Variants in ZBTB40 observed in about 807,000 individuals in gnomAD.
The protein encoded by ZBTB40 is zinc finger and BTB domain containing 40.
In ZBTB40, 60 loss-of-function variants were observed where a neutral mutation model predicts 117.5. The ratio of observed to expected loss-of-function variants is 0.51; its 90% CI spans 0.41 to 0.63. The LOEUF is 0.63. Among genes scored for constraint, ZBTB40 ranks in the 30% least tolerant of loss-of-function variants. The probability of loss-of-function intolerance (pLI) is 0.00; values close to 1 mark genes in which losing one functional copy is unlikely to be tolerated. For synonymous variants in ZBTB40, 525 were observed against 577.1 expected (o/e 0.91, Z 1.29); for missense variants, 1,287 against 1,498.5 (o/e 0.86, Z 2.33).
chr1:22,471,972 T>C (rs1310083428), intron 1 of ZBTB40, among the ~76,000 whole-genome samples: 3 of 152,164 alleles, frequency 2.0e-5, no homozygotes, highest in Non-Finnish European at 4.4e-5. Flanking sequence ...GAGGATATGA[T>C]TGGCTTGTTT....
In ZBTB40 at chr1:22,528,657, G is replaced by C. The variant is rs1639747987; in HGVS notation, c.*2261G>C. On this transcript the variant is annotated 3_prime_UTR_variant, in exon 18 of 18. Transcript: ENST00000375647. ...TCCTCCTGCCACAGCTTCCCAAGTA[G>C]CTGGGACCACAGGCGTGAGCCACCA... is the stretch of plus-strand genomic sequence containing the variant. The C allele has an allele frequency of 1.3e-5, 2 of 151,950 alleles. No homozygotes were observed. Among genetic ancestry groups the C allele is most frequent in the Non-Finnish European group, 2.9e-5 (2 of 68,014 alleles). 9.4% of individuals were successfully genotyped at this position (151,950 alleles called of 1,614,324 possible). A position where few individuals can be genotyped will look rare whatever the true frequency, so the allele number is the denominator to read the frequency against.
chr1:22,493,589 A>C (rs1638692531), intron 3 of ZBTB40, among the ~76,000 whole-genome samples: 2 of 152,050 alleles, frequency 1.3e-5, no homozygotes, highest in South Asian at 4.2e-4. Flanking sequence ...AAACATCTCC[A>C]TCACCCCCAA....
intron 14 of ZBTB40, 139 bp from the exon 15 acceptor site, chr1:22,521,357 C>T (rs1326596099): frequency 9.2e-7 from 1 of 1,084,432 alleles, no homozygotes. Context: ...ACATCAGCAC[C>T]CGGTGTGATA....
At position 22,491,502 on chromosome 1, in the gene ZBTB40, T is replaced by C. The variant is rs1340677390; in HGVS notation, c.800T>C (p.Met267Thr). Reference sequence around the variant, plus strand: ...CAGGATGTTTTAAAAAAACTAGAAATGTGTTCAGAAATTAAAGGTCCACAG... The same window carrying C: ...CAGGATGTTTTAAAAAAACTAGAAACGTGTTCAGAAATTAAAGGTCCACAG... The part of the protein sequence containing the change: ...VTQDVLKKLE[M>T]CSEIKGPQKE... The change falls in exon 3 of 18, where the codon ATG becomes ACG. Residue 267 changes from methionine to threonine, a missense_variant. By Grantham distance (81) the Met-to-Thr change is moderately conservative (BLOSUM62 -1). Coordinates refer to ENST00000375647, the MANE Select transcript of ZBTB40 (RefSeq NM_014870.4). 3 of 1,613,878 alleles carry C rather than the reference T, an allele frequency of 1.9e-6. No homozygotes were observed. The African/African-American group carries it at 4.0e-5, about 22-fold the overall frequency.
Position 22,528,462 on chromosome 1 carries a change from C to T in ZBTB40, c.*2066C>T, listed in dbSNP as rs1213845495. On this transcript the variant is annotated 3_prime_UTR_variant, in exon 18 of 18. Transcript: ENST00000375647. ...ACAAACAACAACAAAAAAAACTCTTCGGAATAAAGAGGGCTGTAAATTTTG... is the reference window on the plus strand; with the variant it reads ...ACAAACAACAACAAAAAAAACTCTTTGGAATAAAGAGGGCTGTAAATTTTG... The T allele has an allele frequency of 4.6e-5, 7 of 152,394 alleles. No homozygotes were observed. The highest frequency in any genetic ancestry group is 7.2e-5 in the African/African-American group (3 of 41,558). The allele number at this position is 152,394 out of a possible 1,614,324, so 9.4% of individuals were successfully genotyped here. A position where few individuals can be genotyped will look rare whatever the true frequency, so the allele number is the denominator to read the frequency against.
In ZBTB40 at chr1:22,524,075, G is replaced by A. The variant is rs932082663; in HGVS notation, c.3299-143G>A. The A allele has an allele frequency of 3.7e-5, 29 of 788,820 alleles. No individual in the cohort carries two copies. In the Admixed American group the frequency reaches 4.2e-4, roughly 11 times the overall value. The allele number at this position is 788,820 out of a possible 1,614,324, so 48.9% of individuals were successfully genotyped here. ...CTTAAGGCCCCCCAGATTGAATAACGTTCGTGTCCCACAAAATGTGGATCC... is the reference window on the plus strand; with the variant it reads ...CTTAAGGCCCCCCAGATTGAATAACATTCGTGTCCCACAAAATGTGGATCC... On this transcript the variant is annotated intron_variant, in intron 16 of 17. Transcript: ENST00000375647.
intron 9 of ZBTB40, 147 bp from the exon 10 acceptor site, chr1:22,511,032 C>A: frequency 2.0e-6 from 2 of 1,007,952 alleles, no homozygotes; most frequent in Non-Finnish European, 3.0e-6. Context: ...CTGTCCACTA[C>A]ATTTATCACA....
intron 1 of ZBTB40, among the ~76,000 whole-genome samples, chr1:22,471,265 G>GA (rs1292913565): frequency 6.6e-6 from 1 of 152,204 alleles, no homozygotes; most frequent in Non-Finnish European, 1.5e-5. Context: ...GAGACCAGCA[G>GA]AAAAAACAAG....
chr1:22,519,881 G>C (rs1410129006), intron 13 of ZBTB40, among the ~76,000 whole-genome samples, 180 bp from the exon 14 acceptor site: 1 of 152,128 alleles, frequency 6.6e-6, no homozygotes, highest in Non-Finnish European at 1.5e-5. Flanking sequence ...TGAAGGTGGG[G>C]GTAGTCAGGT....
intron 1 of ZBTB40, among the ~76,000 whole-genome samples, chr1:22,433,872 GTTTT>G (rs541820650): frequency 6.7e-6 from 1 of 148,584 alleles, no homozygotes; most frequent in Non-Finnish European, 1.5e-5. Flanking sequence ...ATTTAAGCTA[GTTTT>G]TTTTTTGTTT....
upstream of ZBTB40, among the ~76,000 whole-genome samples, chr1:22,448,660 G>T (rs1640816791): frequency 2.6e-5 from 4 of 152,220 alleles, no homozygotes; most frequent in South Asian, 8.3e-4. Flanking sequence ...TAAAATGGGG[G>T]TAAAAATGTT....
At chr1:22,467,903 G>C (rs1641296157) in intron 1 of ZBTB40, among the ~76,000 whole-genome samples, 1 of 151,640 alleles carries the variant, frequency 6.6e-6, no homozygotes, top group South Asian at 2.1e-4. Flanking sequence ...CGAGCAGCCT[G>C]GGCAACATAG....
intron 14 of ZBTB40, 79 bp from the exon 15 acceptor site, chr1:22,521,417 C>T: frequency 1.3e-6 from 2 of 1,575,818 alleles, no homozygotes; most frequent in Non-Finnish European, 1.7e-6. Context: ...AAATGTATTT[C>T]TTTCTCTCAT....
chr1:22,508,025 G>A lies in ZBTB40; in HGVS notation c.1385G>A (p.Gly462Glu), dbSNP rs1274896013. ...TTVQPSPDDY[G>E]TELLRRYHEN... is the part of the protein sequence containing the mutation. Reference sequence around the variant, plus strand: ...GTCCAACCAAGCCCTGATGATTATGGGACTGAGCTATTGAGACGCTATCAT... The same window carrying A: ...GTCCAACCAAGCCCTGATGATTATGAGACTGAGCTATTGAGACGCTATCAT... Residue 462 changes from glycine to glutamate, a missense_variant, in exon 7 of 18, where the codon GGG becomes GAG. Physicochemically the swap from Gly to Glu is moderately conservative, Grantham distance 98. Transcript: ENST00000375647. 5.0e-6 allele frequency: 8 copies of A among 1,613,942 alleles called. No individual in the cohort carries two copies. Among genetic ancestry groups the A allele is most frequent in the Non-Finnish European group, 6.8e-6 (8 of 1,180,040 alleles).
At chr1:22,512,228 T>C in intron 11 of ZBTB40, 94 bp downstream of exon 11, 1 of 1,377,946 alleles carries the variant, frequency 7.3e-7, no homozygotes, top group Non-Finnish European at 1.0e-6. Flanking sequence ...CAGTGAGGGC[T>C]GTGGGTGGGC....
intron 1 of ZBTB40, among the ~76,000 whole-genome samples, chr1:22,478,959 C>T (rs983675492): frequency 1.3e-5 from 2 of 152,180 alleles, no homozygotes; most frequent in Admixed American, 6.5e-5. Flanking sequence ...TTACTACTCA[C>T]AGCACCTCTA....
intron 12 of ZBTB40, among the ~76,000 whole-genome samples, chr1:22,515,587 C>T (rs1439991895): frequency 6.6e-6 from 1 of 152,190 alleles, no homozygotes; most frequent in African/African-American, 2.4e-5. Context: ...ATCACCCCAA[C>T]CTCTGCCTCC....
intron 1 of ZBTB40, among the ~76,000 whole-genome samples, chr1:22,465,540 A>T (rs936093385): frequency 1.1e-4 from 17 of 152,002 alleles, no homozygotes; most frequent in Admixed American, 3.3e-4. Flanking sequence ...TGAAGGAGGG[A>T]CCTTACTGGG....
At chr1:22,507,859 T>G in intron 6 of ZBTB40, 142 bp from the exon 7 acceptor site, 3 of 1,190,416 alleles carry the variant, frequency 2.5e-6, no homozygotes, top group East Asian at 4.9e-5. Flanking sequence ...CATATGTGTA[T>G]GAGGCCCCAA....
Sources: gnomAD v4.1 joint callset for allele counts (sites outside exome capture counted in the v4.1 genomes callset) on GRCh38, gnomAD v4.1.1 for gene constraint, MANE v1.5 for transcripts, NCBI Gene and HGNC (gene_info 2026-07-23, HGNC 2026-07-21) for gene names.